Variants in DTD1 observed in about 807,000 individuals in gnomAD.
DTD1 encodes the protein D-aminoacyl-tRNA deacylase 1, also known as D-tyrosyl-tRNA deacylase 1 homolog.
DTD1 carries 13 observed loss-of-function variants against 25.6 expected under a neutral mutation model. The observed-to-expected ratio is 0.51, with a 90% CI of 0.33 to 0.81. The LOEUF is 0.81. Among genes scored for constraint, DTD1 ranks in the 30% least tolerant of loss-of-function variants. The pLI, the probability that DTD1 is intolerant of heterozygous loss-of-function variation, is 0.02. For missense variants in DTD1, 193 were observed against 266.4 expected (o/e 0.72, Z 1.92); for synonymous variants, 110 against 103.6 (o/e 1.06, Z -0.37).
At chr20:18,693,656 T>TAAA (rs11484391) in intron 4 of DTD1, among the ~76,000 whole-genome samples, 2 of 143,720 alleles carry the variant, frequency 1.4e-5, no homozygotes. Context: ...GACTCCCATC[T>TAAA]AAAAAAAAAA....
chr20:18,641,572 G>A (rs1430124696), intron 4 of DTD1, among the ~76,000 whole-genome samples: 2 of 152,090 alleles, frequency 1.3e-5, no homozygotes, highest in Non-Finnish European at 2.9e-5. Flanking sequence ...TAATAAGTGT[G>A]AAGTGTATCT....
chr20:18,751,721 T>C (rs1204449203), intron 5 of DTD1, among the ~76,000 whole-genome samples: 1 of 152,054 alleles, frequency 6.6e-6, no homozygotes, highest in Non-Finnish European at 1.5e-5. Context: ...TTTGAACTGC[T>C]GGCCGCAAGT....
At chr20:18,673,788 C>T (rs543968767) in intron 4 of DTD1, among the ~76,000 whole-genome samples, 16 of 152,154 alleles carry the variant, frequency 1.1e-4, no homozygotes, top group African/African-American at 3.9e-4. Flanking sequence ...ACCACCCTGG[C>T]AACGTTGATC....
intron 3 of DTD1, among the ~76,000 whole-genome samples, chr20:18,618,485 G>A (rs2060718512): frequency 6.6e-6 from 1 of 151,190 alleles, no homozygotes; most frequent in Non-Finnish European, 1.5e-5. Context: ...CTCCTGAGTA[G>A]CTGGGGCCAC....
Position 18,763,992 on chromosome 20 carries a change from A to G in DTD1, c.*652A>G, listed in dbSNP as rs1160910473. The G allele has an allele frequency of 1.3e-5, 2 of 152,168 alleles. No homozygotes were observed. Among genetic ancestry groups the G allele is most frequent in the South Asian group, 4.1e-4 (2 of 4,832 alleles). 9.4% of individuals were successfully genotyped at this position (152,168 alleles called of 1,614,324 possible). A position where few individuals can be genotyped will look rare whatever the true frequency, so the allele number is the denominator to read the frequency against. ...CTGACCTCTCTCTATGCGTATCTACACTTCTTTTCACATAAGTCTCTCGCA... is the reference window on the plus strand; with the variant it reads ...CTGACCTCTCTCTATGCGTATCTACGCTTCTTTTCACATAAGTCTCTCGCA... On this transcript the variant is annotated 3_prime_UTR_variant, in exon 6 of 6. Coordinates refer to ENST00000377452, the MANE Select transcript of DTD1 (RefSeq NM_080820.6).
intron 3 of DTD1, among the ~76,000 whole-genome samples, chr20:18,622,986 C>T (rs1487424201): frequency 7.0e-6 from 1 of 143,156 alleles, no homozygotes; most frequent in African/African-American, 2.6e-5. Context: ...TGTCGCCAGG[C>T]TGGAGTGCAG....
chr20:18,660,921 A>G (rs2060907330), intron 4 of DTD1, among the ~76,000 whole-genome samples: 1 of 152,216 alleles, frequency 6.6e-6, no homozygotes, highest in South Asian at 2.1e-4. Flanking sequence ...ACCACAGATA[A>G]TATCCCAACC....
Position 18,691,575 on chromosome 20 carries a change from G to A in DTD1, c.478-52525G>A, listed in dbSNP as rs188661362. On this transcript the variant is annotated intron_variant, in intron 4 of 5. Transcript: ENST00000377452. ...AGCTAAACACTGAGTACACATGGAAGTAAAGATGGGAACAGCAGACACTGG... is the reference window on the plus strand; with the variant it reads ...AGCTAAACACTGAGTACACATGGAAATAAAGATGGGAACAGCAGACACTGG... 2.0e-5 allele frequency among the ~76,000 whole-genome samples: 3 copies of A among 152,134 alleles called. No individual in the cohort carries two copies. The South Asian group carries it at 6.2e-4, about 31-fold the overall frequency.
At chr20:18,684,317 C>T (rs768306750) in intron 4 of DTD1, among the ~76,000 whole-genome samples, 1 of 152,068 alleles carries the variant, frequency 6.6e-6, no homozygotes, top group Non-Finnish European at 1.5e-5. Context: ...GATGGAGTCT[C>T]ACCCTGTCAC....
At chr20:18,684,237 G>C (rs2061008071) in intron 4 of DTD1, among the ~76,000 whole-genome samples, 1 of 151,868 alleles carries the variant, frequency 6.6e-6, no homozygotes, top group Admixed American at 6.6e-5. Flanking sequence ...GGGCTCCCAG[G>C]AGTTTCTCAC....
chr20:18,694,429 T>C (rs921443038), intron 4 of DTD1, among the ~76,000 whole-genome samples: 6 of 152,200 alleles, frequency 3.9e-5, no homozygotes, highest in African/African-American at 1.4e-4. Flanking sequence ...CTTCTTACCC[T>C]GGTTAGTGAG....
intron 4 of DTD1, among the ~76,000 whole-genome samples, chr20:18,664,353 G>A (rs1295219727): frequency 6.6e-6 from 1 of 152,206 alleles, no homozygotes; most frequent in African/African-American, 2.4e-5. Context: ...CTCTGAGCAT[G>A]AGAAAGTGTT....
chr20:18,753,553 A>G (rs2061328486), intron 5 of DTD1, among the ~76,000 whole-genome samples: 1 of 133,268 alleles, frequency 7.5e-6, no homozygotes, highest in Non-Finnish European at 1.6e-5. Flanking sequence ...GGTTGCAGTG[A>G]ACTGAGATCG....
chr20:18,679,849 T>G (rs2060989849), intron 4 of DTD1, among the ~76,000 whole-genome samples: 1 of 152,202 alleles, frequency 6.6e-6, no homozygotes, highest in South Asian at 2.1e-4. Context: ...CAGGAGCTGT[T>G]ATCTCTTACT....
At chr20:18,747,838 C>G (rs906001368) in intron 5 of DTD1, among the ~76,000 whole-genome samples, 1 of 138,068 alleles carries the variant, frequency 7.2e-6, no homozygotes, top group African/African-American at 2.6e-5. Context: ...GGTGAAACTC[C>G]GTCTCTATAA....
Position 18,748,174 on chromosome 20 carries a change from T to TACAC in DTD1, c.*19+3925_*19+3928dup, listed in dbSNP as rs11467996. Among the ~76,000 whole-genome samples, 469 of 150,202 alleles carry TACAC rather than the reference T, an allele frequency of 3.1e-3. 2 individuals are homozygous for TACAC. Among genetic ancestry groups the TACAC allele is most frequent in the African/African-American group, 0.011 (432 of 40,944 alleles). On this transcript the variant is annotated intron_variant, in intron 5 of 5. Coordinates refer to ENST00000377452, the MANE Select transcript of DTD1 (RefSeq NM_080820.6). ...ATCAAGCTAAACACACTGGCACGCA[T>TACAC]ACACACACACACACACACACACACA...
At chr20:18,706,141 T>C (rs755172958) in intron 4 of DTD1, among the ~76,000 whole-genome samples, 45 of 152,208 alleles carry the variant, frequency 3.0e-4, no homozygotes, top group Admixed American at 1.6e-3. Context: ...ATTCAGCAGT[T>C]GTTGGTTCAG....
intron 4 of DTD1, among the ~76,000 whole-genome samples, chr20:18,735,394 A>G (rs1484881683): frequency 6.6e-6 from 1 of 152,252 alleles, no homozygotes; most frequent in African/African-American, 2.4e-5. Flanking sequence ...ACAAAGAACC[A>G]GGTCAACTGA....
At chr20:18,729,664 T>G (rs1050715669) in intron 4 of DTD1, among the ~76,000 whole-genome samples, 9 of 152,230 alleles carry the variant, frequency 5.9e-5, no homozygotes, top group African/African-American at 1.9e-4. Context: ...TTTAAAAAAT[T>G]TATTATGTAA....
Sources: gnomAD v4.1 joint callset for allele counts (sites outside exome capture counted in the v4.1 genomes callset) on GRCh38, gnomAD v4.1.1 for gene constraint, MANE v1.5 for transcripts, NCBI Gene and HGNC (gene_info 2026-07-23, HGNC 2026-07-21) for gene names.